The following CTNNA3 variants were observed in gnomAD, a reference collection of about 807,000 sequenced individuals.
CTNNA3 encodes catenin alpha-3.
A neutral mutation model predicts 95.7 loss-of-function variants in CTNNA3; 76 were observed. The ratio of observed to expected loss-of-function variants is 0.79; its 90% CI spans 0.66 to 0.96. CTNNA3 has a LOEUF of 0.96. Among genes scored for constraint, CTNNA3 ranks in the 40% least tolerant of loss-of-function variants. The pLI, the probability that CTNNA3 is intolerant of heterozygous loss-of-function variation, is 0.00. For missense variants in CTNNA3, 1,191 were observed against 1,089.8 expected (o/e 1.09, Z -1.31); for synonymous variants, 431 against 374.4 (o/e 1.15, Z -1.74).
chr10:66,084,176 AGG>A (rs2080886305), intron 14 of CTNNA3, among the ~76,000 whole-genome samples: 1 of 131,796 alleles, frequency 7.6e-6, no homozygotes, highest in African/African-American at 2.6e-5. Flanking sequence ...AAAAAAGAAA[AGG>A]AAAGAAAAAA....
intron 1 of CTNNA3, among the ~76,000 whole-genome samples, chr10:67,650,763 G>A (rs552995896): frequency 2.6e-5 from 4 of 152,296 alleles, no homozygotes; most frequent in East Asian, 1.9e-4. Flanking sequence ...ATTACAGCAC[G>A]AACCACGTTG....
chr10:66,827,124 C>A (rs1842544120), intron 7 of CTNNA3, among the ~76,000 whole-genome samples: 3 of 152,192 alleles, frequency 2.0e-5, no homozygotes, highest in African/African-American at 7.2e-5. Flanking sequence ...CAGCTGCAGG[C>A]TATCTACTAG....
intron 17 of CTNNA3, among the ~76,000 whole-genome samples, chr10:65,965,475 G>A (rs1053930400): frequency 5.5e-5 from 8 of 144,692 alleles, no homozygotes; most frequent in African/African-American, 2.1e-4. Context: ...CACGATCTCG[G>A]CTAACTGAAA....
intron 13 of CTNNA3, among the ~76,000 whole-genome samples, chr10:66,273,492 T>TGTCTAC: frequency 6.6e-6 from 1 of 152,324 alleles, no homozygotes; most frequent in East Asian, 1.9e-4. Context: ...AATAAGGGGA[T>TGTCTAC]GTCTACTTCT....
intron 11 of CTNNA3, among the ~76,000 whole-genome samples, chr10:66,421,694 G>A (rs946201389): frequency 8.6e-5 from 13 of 151,300 alleles, no homozygotes; most frequent in Non-Finnish European, 1.6e-4. Flanking sequence ...AAATTAGTTG[G>A]GCTTGGTGGT....
intron 17 of CTNNA3, among the ~76,000 whole-genome samples, chr10:65,958,624 A>C (rs2077780068): frequency 6.6e-6 from 1 of 152,268 alleles, no homozygotes; most frequent in East Asian, 1.9e-4. Flanking sequence ...CAGGATGCTA[A>C]GCTGCAGGTG....
chr10:65,948,583 C>T (rs1281491393), intron 17 of CTNNA3, among the ~76,000 whole-genome samples: 1 of 151,950 alleles, frequency 6.6e-6, no homozygotes, highest in Non-Finnish European at 1.5e-5. Context: ...CAGAAAGTAA[C>T]ATTTCCAGGT....
chr10:66,443,805 C>T (rs529583664), intron 11 of CTNNA3, among the ~76,000 whole-genome samples: 22 of 152,172 alleles, frequency 1.4e-4, no homozygotes, highest in Middle Eastern at 3.4e-3. Context: ...TCACCAGCAA[C>T]GGAACAAAGC....
At chr10:66,710,848 C>A (rs1848268247) in intron 9 of CTNNA3, among the ~76,000 whole-genome samples, 2 of 151,956 alleles carry the variant, frequency 1.3e-5, no homozygotes, top group Admixed American at 1.3e-4. Flanking sequence ...TTGTCATGCG[C>A]TTGTTACAAT....
chr10:67,510,402 A>G (rs1177151661), intron 5 of CTNNA3, among the ~76,000 whole-genome samples: 9 of 151,618 alleles, frequency 5.9e-5, no homozygotes, highest in African/African-American at 2.2e-4. Context: ...AGCTTTCTAC[A>G]TATGGCTAGC....
chr10:66,021,889 T>C (rs2079225084), intron 15 of CTNNA3, among the ~76,000 whole-genome samples: 1 of 131,072 alleles, frequency 7.6e-6, no homozygotes, highest in Non-Finnish European at 1.6e-5. Context: ...GGTCTCGCCC[T>C]GTCACCCAGG....
intron 1 of CTNNA3, among the ~76,000 whole-genome samples, chr10:67,694,567 G>C (rs1350173890): frequency 6.6e-6 from 1 of 151,966 alleles, no homozygotes; most frequent in African/African-American, 2.4e-5. Flanking sequence ...GTTTACCATA[G>C]CATCTAGATG....
chr10:67,672,609 A>G (rs1029645150), intron 1 of CTNNA3, among the ~76,000 whole-genome samples: 6 of 152,150 alleles, frequency 3.9e-5, no homozygotes, highest in African/African-American at 1.4e-4. Flanking sequence ...CCATTTATTA[A>G]AAAGGGTATC....
At chr10:67,652,207 G>A (rs910191886) in intron 1 of CTNNA3, among the ~76,000 whole-genome samples, 3 of 152,198 alleles carry the variant, frequency 2.0e-5, no homozygotes, top group African/African-American at 7.2e-5. Flanking sequence ...TACACTCATG[G>A]CCTAATTAGC....
chr10:67,409,131 T>C (rs1052791285), intron 5 of CTNNA3, among the ~76,000 whole-genome samples: 52 of 152,234 alleles, frequency 3.4e-4, no homozygotes, highest in East Asian at 1.2e-3. Context: ...TTTTACACTG[T>C]TGGTGGGAGT....
intron 6 of CTNNA3, among the ~76,000 whole-genome samples, chr10:67,217,677 A>C (rs1031025121): frequency 6.6e-6 from 1 of 152,234 alleles, no homozygotes; most frequent in African/African-American, 2.4e-5. Context: ...AAGAGGTCTC[A>C]GAAGGAGGAA....
At chr10:67,632,794 T>C (rs1023198742) in intron 2 of CTNNA3, among the ~76,000 whole-genome samples, 6 of 152,020 alleles carry the variant, frequency 3.9e-5, no homozygotes, top group Non-Finnish European at 7.4e-5. Context: ...CCAGGAGTTT[T>C]CCACACTCCA....
intron 11 of CTNNA3, among the ~76,000 whole-genome samples, chr10:66,516,654 ATCAC>A (rs1470631875): frequency 1.3e-5 from 2 of 152,166 alleles, no homozygotes; most frequent in East Asian, 3.9e-4. Context: ...TCAGTTGTTA[ATCAC>A]TTATCAGCAC....
At chr10:66,529,796 C>T (rs1241386892) in intron 10 of CTNNA3, among the ~76,000 whole-genome samples, 2 of 151,948 alleles carry the variant, frequency 1.3e-5, no homozygotes, top group African/African-American at 4.8e-5. Context: ...AATAACTTGC[C>T]CAAAATTATA....
Sources: gnomAD v4.1 joint callset for allele counts (sites outside exome capture counted in the v4.1 genomes callset) on GRCh38, gnomAD v4.1.1 for gene constraint, MANE v1.5 for transcripts, NCBI Gene and HGNC (gene_info 2026-07-23, HGNC 2026-07-21) for gene names.